The following SLC44A2 variants were observed in gnomAD, a reference collection of about 807,000 sequenced individuals.
SLC44A2 encodes the protein solute carrier family 44 member 2 (CTL2 blood group).
SLC44A2 carries 57 observed loss-of-function variants against 90.8 expected under a neutral mutation model. The ratio of observed to expected loss-of-function variants is 0.63; its 90% CI spans 0.51 to 0.78. The LOEUF (loss-of-function observed/expected upper bound fraction) is 0.78, where lower values mean the gene tolerates loss of function less well. SLC44A2 is among the 30% of genes least tolerant of loss of function. The pLI is 0.00. For missense variants in SLC44A2, 794 were observed against 919.7 expected (o/e 0.86, Z 1.77); for synonymous variants, 355 against 360.7 (o/e 0.98, Z 0.18).
At chr19:10,641,615 G>A (rs1056599365) in intron 20 of SLC44A2, among the ~76,000 whole-genome samples, 1 of 152,162 alleles carries the variant, frequency 6.6e-6, no homozygotes, top group Non-Finnish European at 1.5e-5. Flanking sequence ...CACTTGGGGA[G>A]GCCAAGGTGG....
chr19:10,637,995 CA>C (rs2067077307), intron 18 of SLC44A2, 27 bp from the exon 19 acceptor site: 1 of 1,614,096 alleles, frequency 6.2e-7, no homozygotes, highest in East Asian at 2.2e-5. Context: ...AGCCAGCATT[CA>C]CACCTGCCCC....
At chr19:10,617,801 G>A (rs1358083949) in intron 1 of SLC44A2, among the ~76,000 whole-genome samples, 1 of 152,122 alleles carries the variant, frequency 6.6e-6, no homozygotes, top group Non-Finnish European at 1.5e-5. Context: ...TAGTGAGTTC[G>A]CTTTGCTCAC....
Position 10,637,906 on chromosome 19 carries a change from C to T in SLC44A2, c.1746C>T (p.Phe582=). ...NFCTSARNAF[F]LLMRNIIRVA... ...GCACCTCGGCCAGGAATGCCTTCTT[C>T]CTGCTCATGAGAAACATCATCAGGT... is the stretch of plus-strand genomic sequence containing the variant. The change falls in exon 18 of 22, where the codon TTC becomes TTT. Residue 582 remains phenylalanine, a synonymous_variant. Coordinates refer to ENST00000335757, the MANE Select transcript of SLC44A2 (RefSeq NM_020428.4). The T allele has an allele frequency of 6.2e-7, 1 of 1,614,126 alleles. No individual in the cohort carries two copies. Among genetic ancestry groups the T allele is most frequent in the Non-Finnish European group, 8.5e-7 (1 of 1,180,040 alleles).
intron 1 of SLC44A2, among the ~76,000 whole-genome samples, chr19:10,619,163 C>T (rs1016938441): frequency 6.6e-6 from 1 of 151,544 alleles, no homozygotes; most frequent in East Asian, 1.9e-4. Context: ...GGCACAGTGG[C>T]TCACATCTGT....
At chr19:10,620,152 G>A (rs1221353162) in intron 1 of SLC44A2, among the ~76,000 whole-genome samples, 1 of 151,794 alleles carries the variant, frequency 6.6e-6, no homozygotes, top group Non-Finnish European at 1.5e-5. Flanking sequence ...CTCCAGACTG[G>A]GCAACAGAGT....
upstream of SLC44A2, among the ~76,000 whole-genome samples, chr19:10,624,180 TAC>T (rs2066912164): frequency 6.6e-6 from 1 of 150,954 alleles, no homozygotes; most frequent in Admixed American, 6.6e-5. Context: ...GTATTTTTAG[TAC>T]AGACGGGGTT....
intron 1 of SLC44A2, among the ~76,000 whole-genome samples, chr19:10,618,427 G>A (rs972904613): frequency 2.1e-5 from 3 of 144,636 alleles, no homozygotes; most frequent in Admixed American, 7.2e-5. Context: ...CCCCGCCTTC[G>A]CCTCCCAAAA....
chr19:10,616,624 G>A (rs531927382), intron 1 of SLC44A2, among the ~76,000 whole-genome samples: 246 of 152,000 alleles, frequency 1.6e-3, no homozygotes, highest in Non-Finnish European at 2.7e-3. Flanking sequence ...CAGCACTTTC[G>A]GAGGCTGAGG....
In SLC44A2 at chr19:10,644,060, CG is replaced by C. The variant is rs1323105178; in HGVS notation, c.*680del. ...GGAGGGAAAGGGAGGGAGAGTTTTG[CG>C]GGGGTTGGCAGTGGAGAGCAGGCTG... On this transcript the variant is annotated 3_prime_UTR_variant, in exon 22 of 22. Coordinates refer to ENST00000335757, the MANE Select transcript of SLC44A2 (RefSeq NM_020428.4). The C allele has an allele frequency of 6.6e-6, 1 of 152,446 alleles. No homozygotes were observed. The highest frequency in any genetic ancestry group is 2.4e-5 in the African/African-American group (1 of 41,294). The allele number at this position is 152,446 out of a possible 1,614,324, so 9.4% of individuals were successfully genotyped here.
intron 2 of SLC44A2, among the ~76,000 whole-genome samples, 200 bp downstream of exon 2, chr19:10,626,501 C>T (rs2066935503): frequency 6.6e-6 from 1 of 151,706 alleles, no homozygotes; most frequent in African/African-American, 2.4e-5. Flanking sequence ...GCAACCTTCG[C>T]CTCCCGGGTT....
upstream of SLC44A2, chr19:10,602,504 G>T: frequency 7.9e-7 from 1 of 1,259,782 alleles, no homozygotes; most frequent in Middle Eastern, 3.0e-4. Context: ...CGCTGGCTCG[G>T]ACTCCGCTCC....
chr19:10,613,946 AT>A (rs1283047685), intron 1 of SLC44A2, among the ~76,000 whole-genome samples: 1 of 151,868 alleles, frequency 6.6e-6, no homozygotes, highest in Non-Finnish European at 1.5e-5. Flanking sequence ...GAGATAATAA[AT>A]TTGTGGTTTT....
At position 10,635,047 on chromosome 19, in the gene SLC44A2, G is replaced by T; in HGVS notation, c.1029G>T (p.Ala343=). 1 of 1,614,142 alleles carries T rather than the reference G, an allele frequency of 6.2e-7. No homozygotes were observed. The highest frequency in any genetic ancestry group is 8.5e-7 in the Non-Finnish European group (1 of 1,180,042). ...LIFLRKRILI[A]IALIKEASRA... ...TTCTCCGGAAGAGAATTCTCATCGC[G>T]ATTGCACTCATCAAAGAAGCCAGCA... The change falls in exon 12 of 22, where the codon GCG becomes GCT. Residue 343 remains alanine, a synonymous_variant. Coordinates refer to ENST00000335757, the MANE Select transcript of SLC44A2 (RefSeq NM_020428.4).
intron 2 of SLC44A2, among the ~76,000 whole-genome samples, chr19:10,626,644 C>T (rs571150398): frequency 6.6e-6 from 1 of 151,850 alleles, no homozygotes; most frequent in South Asian, 2.1e-4. Flanking sequence ...TGGTCTCGAC[C>T]TCGTGAGCTC....
intron 1 of SLC44A2, 72 bp from the exon 2 acceptor site, chr19:10,626,181 G>A: frequency 8.0e-7 from 1 of 1,253,998 alleles, no homozygotes; most frequent in African/African-American, 1.5e-5. Context: ...GGGGCTTTTG[G>A]GAGGGGGCTC....
At chr19:10,642,305 A>T in intron 20 of SLC44A2, 62 bp from the exon 21 acceptor site, 1 of 1,424,364 alleles carries the variant, frequency 7.0e-7, no homozygotes, top group South Asian at 1.2e-5. Flanking sequence ...GGATGGACTC[A>T]GGGGGTGGGG....
Position 10,602,562 on chromosome 19 carries a change from G to A in SLC44A2, c.31+1G>A, listed in dbSNP as rs1409960457. On this transcript the variant is annotated splice_donor_variant, in intron 1 of 21. Transcript: ENST00000407327. LOFTEE classifies it high-confidence loss of function. Reference sequence around the variant, plus strand: ...GACGAGCGGAAAAACGGAGCCTACGGTAGGAGCCGCCTCCGGTCAGGGGCC... The same window carrying A: ...GACGAGCGGAAAAACGGAGCCTACGATAGGAGCCGCCTCCGGTCAGGGGCC... The A allele has an allele frequency of 7.8e-7, 1 of 1,274,008 alleles. No homozygotes were observed. Among genetic ancestry groups the A allele is most frequent in the Non-Finnish European group, 1.0e-6 (1 of 1,003,896 alleles). The allele number at this position is 1,274,008 out of a possible 1,614,324, so 78.9% of individuals were successfully genotyped here.
rs570966991 is a variant in SLC44A2 at position 10,643,238 on chromosome 19, G to T, written c.2015-41G>T. On this transcript the variant is annotated intron_variant, in intron 21 of 21. Coordinates refer to ENST00000335757, the MANE Select transcript of SLC44A2 (RefSeq NM_020428.4). ...CCTGTCCTTGAGGCCCCTGCCCGTG[G>T]GCTCCCCTCATGCCTCCTGCTCTGG... is the stretch of plus-strand genomic sequence containing the variant. 3 of 1,584,872 alleles carry T rather than the reference G, an allele frequency of 1.9e-6. No individual in the cohort carries two copies. The East Asian group carries it at 6.9e-5, about 36-fold the overall frequency.
chr19:10,625,894 T>A (rs1476804031), intron 1 of SLC44A2, among the ~76,000 whole-genome samples: 1 of 152,032 alleles, frequency 6.6e-6, no homozygotes, highest in African/African-American at 2.4e-5. Context: ...CCTGCCCCTG[T>A]ACCCCTCTGC....
Sources: gnomAD v4.1 joint callset for allele counts (sites outside exome capture counted in the v4.1 genomes callset) on GRCh38, gnomAD v4.1.1 for gene constraint, MANE v1.5 for transcripts, NCBI Gene and HGNC (gene_info 2026-07-23, HGNC 2026-07-21) for gene names.